RASEF: variants seen among roughly 807,000 people sequenced by gnomAD.
RASEF encodes the protein ras and EF-hand domain-containing protein.
RASEF carries 68 observed loss-of-function variants against 90.1 expected under a neutral mutation model. That is an observed-to-expected ratio of 0.75 (90% confidence interval 0.62 to 0.92). RASEF has a LOEUF of 0.92. RASEF is among the 40% of genes least tolerant of loss of function. The pLI is 0.00. For synonymous variants in RASEF, 331 were observed against 345.2 expected (o/e 0.96, Z 0.46); for missense variants, 949 against 937.2 (o/e 1.01, Z -0.16).
the RASEF span, among the ~76,000 whole-genome samples, chr9:83,172,604 A>G: frequency 6.6e-6 from 1 of 151,804 alleles, no homozygotes; most frequent in Non-Finnish European, 1.5e-5. Flanking sequence ...AATTATTTTA[A>G]CTGATGACAC....
chr9:83,163,611 T>C, the RASEF span, among the ~76,000 whole-genome samples: 1 of 152,098 alleles, frequency 6.6e-6, no homozygotes, highest in Non-Finnish European at 1.5e-5. Context: ...ATGAATAGAC[T>C]GGAAACTGCT....
At chr9:83,108,514 AT>A in the RASEF span, among the ~76,000 whole-genome samples, 1 of 152,238 alleles carries the variant, frequency 6.6e-6, no homozygotes, top group South Asian at 2.1e-4. Context: ...GTGGTTCAGA[AT>A]TTTTTTGTGG....
chr9:83,158,198 A>T, the RASEF span, among the ~76,000 whole-genome samples: 2 of 152,194 alleles, frequency 1.3e-5, no homozygotes, highest in Non-Finnish European at 2.9e-5. Flanking sequence ...TATTTCAATA[A>T]GGATTATTTT....
the RASEF span, among the ~76,000 whole-genome samples, chr9:83,169,558 T>G: frequency 6.6e-6 from 1 of 151,876 alleles, no homozygotes; most frequent in Non-Finnish European, 1.5e-5. Flanking sequence ...GGGTTTTTGT[T>G]TGGTTGGTTT....
intron 1 of RASEF, chr9:83,048,147 A>G: frequency 1.0e-6 from 1 of 985,358 alleles, no homozygotes; most frequent in African/African-American, 1.7e-5. Flanking sequence ...CACGTTTGTA[A>G]ACCCTCCTCC....
intron 1 of RASEF, among the ~76,000 whole-genome samples, chr9:83,046,715 G>C (rs556412954): frequency 1.1e-4 from 17 of 152,234 alleles, no homozygotes; most frequent in African/African-American, 4.1e-4. Flanking sequence ...AATTCTGTTT[G>C]ATAGAAGCAA....
chr9:83,082,636 G>C, the RASEF span, among the ~76,000 whole-genome samples: 1 of 152,152 alleles, frequency 6.6e-6, no homozygotes, highest in Non-Finnish European at 1.5e-5. Context: ...GAGAGAAACA[G>C]AAAGGCAAAC....
intron 1 of RASEF, among the ~76,000 whole-genome samples, chr9:83,037,128 A>G (rs1829755999): frequency 6.6e-6 from 1 of 152,212 alleles, no homozygotes; most frequent in Non-Finnish European, 1.5e-5. Context: ...CACCTGTGAA[A>G]CATGACTTTT....
the RASEF span, among the ~76,000 whole-genome samples, chr9:83,154,311 C>T: frequency 3.3e-5 from 5 of 152,188 alleles, no homozygotes; most frequent in Admixed American, 2.6e-4. Context: ...CTGGCTGGCA[C>T]CCTCCTTTGG....
At chr9:83,030,568 C>G (rs1054266875) in intron 1 of RASEF, among the ~76,000 whole-genome samples, 1 of 152,160 alleles carries the variant, frequency 6.6e-6, no homozygotes, top group Non-Finnish European at 1.5e-5. Flanking sequence ...TACAGTGAAG[C>G]ATACAAATAG....
At chr9:83,140,077 A>G in the RASEF span, among the ~76,000 whole-genome samples, 1 of 152,188 alleles carries the variant, frequency 6.6e-6, no homozygotes, top group African/African-American at 2.4e-5. Context: ...TCTCTGAAAG[A>G]GAGCAACACA....
intron 16 of RASEF, among the ~76,000 whole-genome samples, chr9:82,985,411 T>TC (rs1290859167): frequency 6.6e-6 from 1 of 151,798 alleles, no homozygotes; most frequent in Non-Finnish European, 1.5e-5. Context: ...CTCAATTACC[T>TC]CCCCCGGGGT....
intron 3 of RASEF, among the ~76,000 whole-genome samples, chr9:83,020,577 T>C (rs1404162523): frequency 6.6e-6 from 1 of 152,176 alleles, no homozygotes; most frequent in African/African-American, 2.4e-5. Context: ...CACATGTATG[T>C]GGTGACTGAC....
upstream of RASEF, among the ~76,000 whole-genome samples, chr9:83,064,017 C>T (rs1265668683): frequency 6.6e-6 from 1 of 152,136 alleles, no homozygotes; most frequent in Non-Finnish European, 1.5e-5. Context: ...TTACATTATC[C>T]ATTTCCTCCA....
At chr9:83,016,852 G>A (rs934500878) in intron 3 of RASEF, among the ~76,000 whole-genome samples, 1 of 152,098 alleles carries the variant, frequency 6.6e-6, no homozygotes, top group African/African-American at 2.4e-5. Flanking sequence ...CTGTGGAGCT[G>A]GGCAAGTTGC....
At chr9:83,100,192 C>A in the RASEF span, among the ~76,000 whole-genome samples, 2 of 152,168 alleles carry the variant, frequency 1.3e-5, no homozygotes, top group Non-Finnish European at 2.9e-5. Context: ...CATTATCTAG[C>A]AAGCTGAGAA....
the RASEF span, among the ~76,000 whole-genome samples, chr9:83,213,537 A>G: frequency 6.6e-6 from 1 of 152,350 alleles, no homozygotes; most frequent in South Asian, 2.1e-4. Context: ...CTCATTTAAA[A>G]TAACCTGCAA....
chr9:83,012,620 T>G, intron 4 of RASEF, 109 bp from the exon 5 acceptor site: 1 of 483,010 alleles, frequency 2.1e-6, no homozygotes. Context: ...AGTCACCAAT[T>G]TTCAACATTA....
chr9:83,080,639 A>C, the RASEF span, among the ~76,000 whole-genome samples: 136 of 152,296 alleles, frequency 8.9e-4, no homozygotes, highest in African/African-American at 3.0e-3. Flanking sequence ...CTCAATGTTA[A>C]AAAAATTATA....
Sources: allele counts gnomAD v4.1 joint callset (sites outside exome capture counted in the v4.1 genomes callset), GRCh38; gene constraint gnomAD v4.1.1; transcripts MANE v1.5; gene names NCBI Gene and HGNC (gene_info 2026-07-23, HGNC 2026-07-21).